AGAP1: variants seen among roughly 807,000 people sequenced by gnomAD.
AGAP1 encodes the protein arf-GAP with GTPase, ANK repeat and PH domain-containing protein 1.
AGAP1 carries 29 observed loss-of-function variants against 105.3 expected under a neutral mutation model. That is an observed-to-expected ratio of 0.28 (90% CI 0.21 to 0.38). The LOEUF is 0.38. Among genes scored for constraint, AGAP1 ranks in the 10% least tolerant of loss-of-function variants. AGAP1 has a pLI of 1.00. For synonymous variants in AGAP1, 509 were observed against 485.9 expected (o/e 1.05, Z -0.63); for missense variants, 998 against 1,165.1 (o/e 0.86, Z 2.09).
At chr2:235,532,412 C>T (rs1311569108) in intron 1 of AGAP1, among the ~76,000 whole-genome samples, 1 of 152,186 alleles carries the variant, frequency 6.6e-6, no homozygotes, top group Admixed American at 6.5e-5. Context: ...GATGGGGTTT[C>T]ACCCAGAATG....
intron 9 of AGAP1, among the ~76,000 whole-genome samples, chr2:235,847,996 G>A (rs149798704): frequency 2.0e-5 from 3 of 152,294 alleles, no homozygotes; most frequent in African/African-American, 7.2e-5. Flanking sequence ...CAAAGCTTTT[G>A]GTCAGTTCTA....
chr2:235,901,219 G>A lies in AGAP1; in HGVS notation c.1156-7519G>A, dbSNP rs143396386. ...TATGTCTTTATGATTAGTTTCCTTT[G>A]AATATAATATTAAATGGAGTTTGGG... On this transcript the variant is annotated intron_variant, in intron 10 of 17. Coordinates refer to ENST00000304032, the MANE Select transcript of AGAP1 (RefSeq NM_001037131.3). This position sits in a 1 kb window ranked among gnomAD's most constrained non-coding sequence, Gnocchi z 4.3. Among the ~76,000 whole-genome samples the A allele has an allele frequency of 5.9e-3, 893 of 151,620 alleles. 4 individuals are homozygous for A. Among genetic ancestry groups the A allele is most frequent in the African/African-American group, 0.02 (848 of 41,378 alleles).
Position 235,612,288 on chromosome 2 carries a change from T to C in AGAP1, c.164-96891T>C, listed in dbSNP as rs1946153203. On this transcript the variant is annotated intron_variant, in intron 1 of 17. Transcript: ENST00000304032. The surrounding 1 kb of genome is among the most constrained non-coding windows in gnomAD (Gnocchi z 4.3). ...ATCTCAGGGGTGCTTGTGAATTGAT[T>C]GCACCCCTCCTGTGGCGTGGAGGCG... Among the ~76,000 whole-genome samples, 2 of 152,292 alleles carry C rather than the reference T, an allele frequency of 1.3e-5. No individual in the cohort carries two copies. The highest frequency in any genetic ancestry group is 2.9e-5 in the Non-Finnish European group (2 of 68,020).
rs935480238 is a variant in AGAP1 at position 235,635,768 on chromosome 2, T to G, written c.164-73411T>G. The stretch of plus-strand genomic sequence containing the variant: ...GTTAAAACTTGTTGGCTTTGGAGGT[T>G]TACTGATAGGTCGTTCTGAGTAGGA... On this transcript the variant is annotated intron_variant, in intron 1 of 17. Coordinates refer to ENST00000304032, the MANE Select transcript of AGAP1 (RefSeq NM_001037131.3). This position sits in a 1 kb window ranked among gnomAD's most constrained non-coding sequence, Gnocchi z 5.3. 3.3e-5 allele frequency among the ~76,000 whole-genome samples: 5 copies of G among 152,060 alleles called. No individual in the cohort carries two copies. Among genetic ancestry groups the G allele is most frequent in the Non-Finnish European group, 1.5e-5 (1 of 68,014 alleles).
intron 1 of AGAP1, among the ~76,000 whole-genome samples, chr2:235,683,954 G>A (rs1949239255): frequency 6.6e-6 from 1 of 151,768 alleles, no homozygotes; most frequent in Non-Finnish European, 1.5e-5. Context: ...GGTGTGTTTG[G>A]TTTTCTGTCC....
chr2:235,577,772 C>T lies in AGAP1; in HGVS notation c.163+82923C>T, dbSNP rs1038745742. 1.3e-5 allele frequency among the ~76,000 whole-genome samples: 2 copies of T among 152,160 alleles called. No individual in the cohort carries two copies. Among genetic ancestry groups the T allele is most frequent in the Non-Finnish European group, 2.9e-5 (2 of 68,042 alleles). On this transcript the variant is annotated intron_variant, in intron 1 of 17. Transcript: ENST00000304032. This position sits in a 1 kb window ranked among gnomAD's most constrained non-coding sequence, Gnocchi z 4.5. ...CACAGGCTTGTCTGCTGGCCTCCCC[C>T]GGGAGAGAGAGTAGGTTTGCTATTC... is the stretch of plus-strand genomic sequence containing the variant.
intron 1 of AGAP1, among the ~76,000 whole-genome samples, chr2:235,584,412 T>A (rs1446884063): frequency 1.3e-5 from 2 of 149,756 alleles, no homozygotes; most frequent in Non-Finnish European, 3.0e-5. Context: ...GGTAGCTGTG[T>A]GTGTGGCCAT....
At chr2:235,527,213 A>G (rs1942873263) in intron 1 of AGAP1, among the ~76,000 whole-genome samples, 1 of 152,208 alleles carries the variant, frequency 6.6e-6, no homozygotes, top group Admixed American at 6.5e-5. Context: ...GAATGAAGAC[A>G]TTGGCCAGGC....
chr2:235,876,478 C>G (rs2049732478), intron 9 of AGAP1, among the ~76,000 whole-genome samples: 1 of 152,228 alleles, frequency 6.6e-6, no homozygotes, highest in Admixed American at 6.5e-5. Context: ...CCCCAGCCAC[C>G]CTCCGTCTCC....
intron 13 of AGAP1, among the ~76,000 whole-genome samples, chr2:235,978,484 T>C (rs371492269): frequency 3.3e-5 from 5 of 152,312 alleles, no homozygotes; most frequent in African/African-American, 1.2e-4. Context: ...GCTACCTCAT[T>C]GCATCCTTAA....
chr2:235,506,047 C>T (rs1941793315), intron 1 of AGAP1, among the ~76,000 whole-genome samples: 2 of 151,690 alleles, frequency 1.3e-5, no homozygotes, highest in African/African-American at 2.4e-5. Context: ...TCGCCTGCCT[C>T]AGCCTCCTGA....
intron 16 of AGAP1, among the ~76,000 whole-genome samples, chr2:236,057,060 T>C (rs1474007229): frequency 1.3e-5 from 2 of 152,170 alleles, no homozygotes; most frequent in Admixed American, 1.3e-4. Flanking sequence ...GCTTCACTTA[T>C]AGTAATATAA....
chr2:235,823,904 G>A (rs1231120213), intron 9 of AGAP1, among the ~76,000 whole-genome samples: 1 of 152,084 alleles, frequency 6.6e-6, no homozygotes, highest in African/African-American at 2.4e-5. Context: ...AGGCTAGGTG[G>A]CATTCATTCC....
intron 6 of AGAP1, chr2:235,774,515 T>C: frequency 5.8e-6 from 2 of 344,134 alleles, no homozygotes. Flanking sequence ...TTAAGTGTAG[T>C]AGCCTAAAAA....
In AGAP1 at chr2:236,096,695, C is replaced by T. The variant is rs1302622269; in HGVS notation, c.2115-23497C>T. On this transcript the variant is annotated intron_variant, in intron 16 of 17. Coordinates refer to ENST00000304032, the MANE Select transcript of AGAP1 (RefSeq NM_001037131.3). This position sits in a 1 kb window ranked among gnomAD's most constrained non-coding sequence, Gnocchi z 4.4. ...CCCGGTTCAAGTGATTCTTCTGCCTCGGCCTCCTGAGTAGCTGGGATTACA... is the reference window on the plus strand; with the variant it reads ...CCCGGTTCAAGTGATTCTTCTGCCTTGGCCTCCTGAGTAGCTGGGATTACA... 1.3e-5 allele frequency among the ~76,000 whole-genome samples: 2 copies of T among 151,866 alleles called. No homozygotes were observed. The highest frequency in any genetic ancestry group is 2.9e-5 in the Non-Finnish European group (2 of 68,010).
Position 235,970,844 on chromosome 2 carries a change from G to T in AGAP1, c.1645+2221G>T, listed in dbSNP as rs2054613455. Among the ~76,000 whole-genome samples the T allele has an allele frequency of 6.6e-6, 1 of 152,208 alleles. No homozygotes were observed. The highest frequency in any genetic ancestry group is 2.4e-5 in the African/African-American group (1 of 41,452). On this transcript the variant is annotated intron_variant, in intron 13 of 17. Transcript: ENST00000304032. The surrounding 1 kb of genome is among the most constrained non-coding windows in gnomAD (Gnocchi z 5.4). ...GCCTGATGTTTCAGGTCCACTTGCT[G>T]AGTGAGTGGGATGGTATGTGTGTGC...
rs1203922938 is a variant in AGAP1 at position 235,555,711 on chromosome 2, CCTT to C, written c.163+60865_163+60867del. ...ACTTCTGCTTTGGCCTTGTCAGTCT[CCTT>C]CTGTGATTCAGACCGTAGTGAAGCC... On this transcript the variant is annotated intron_variant, in intron 1 of 17. Coordinates refer to ENST00000304032, the MANE Select transcript of AGAP1 (RefSeq NM_001037131.3). The surrounding 1 kb of genome is among the most constrained non-coding windows in gnomAD (Gnocchi z 5.1). 6.6e-6 allele frequency among the ~76,000 whole-genome samples: 1 copy of C among 152,152 alleles called. No individual in the cohort carries two copies. Among genetic ancestry groups the C allele is most frequent in the Non-Finnish European group, 1.5e-5 (1 of 68,042 alleles).
chr2:236,060,502 A>G (rs2058160939), intron 16 of AGAP1, among the ~76,000 whole-genome samples: 1 of 151,922 alleles, frequency 6.6e-6, no homozygotes, highest in African/African-American at 2.4e-5. Context: ...CAGTCTGGAC[A>G]GCATAGGGAT....
intron 1 of AGAP1, among the ~76,000 whole-genome samples, chr2:235,632,284 C>G (rs1946853562): frequency 6.6e-6 from 1 of 152,228 alleles, no homozygotes; most frequent in African/African-American, 2.4e-5. Context: ...GCCCAGCCAG[C>G]TGTCCCCAGG....
Sources: gnomAD v4.1 joint callset for allele counts (sites outside exome capture counted in the v4.1 genomes callset) on GRCh38, gnomAD v4.1.1 for gene constraint, Gnocchi (gnomAD v3.1) non-coding constraint, MANE v1.5 for transcripts, NCBI Gene and HGNC (gene_info 2026-07-23, HGNC 2026-07-21) for gene names.